Variants in MTUS2 observed in about 807,000 individuals in gnomAD.
MTUS2 encodes microtubule associated scaffold protein 2, also known as microtubule-associated tumor suppressor candidate 2.
A neutral mutation model predicts 114.1 loss-of-function variants in MTUS2; 40 were observed. The ratio of observed to expected loss-of-function variants is 0.35; its 90% confidence interval spans 0.27 to 0.46. The LOEUF (loss-of-function observed/expected upper bound fraction) is 0.46. Among genes scored for constraint, MTUS2 ranks in the 20% least tolerant of loss-of-function variants. The pLI is 1.00. For synonymous variants in MTUS2, 688 were observed against 672.0 expected (o/e 1.02, Z -0.37); for missense variants, 1,679 against 1,705.4 (o/e 0.98, Z 0.27).
intron 2 of MTUS2, among the ~76,000 whole-genome samples, chr13:28,941,311 C>T (rs1461463852): frequency 1.3e-5 from 2 of 151,958 alleles, no homozygotes; most frequent in African/African-American, 4.8e-5. Context: ...CATATGCTTA[C>T]TGTATATATG....
At chr13:29,491,170 GGT>G (rs1447814055) in intron 11 of MTUS2, among the ~76,000 whole-genome samples, 2 of 142,964 alleles carry the variant, frequency 1.4e-5, no homozygotes, top group Non-Finnish European at 3.0e-5. Context: ...GGGAGTGTGT[GGT>G]GTGTGGTGTG....
At chr13:29,320,006 C>T (rs1003673480) in intron 6 of MTUS2, among the ~76,000 whole-genome samples, 1 of 152,170 alleles carries the variant, frequency 6.6e-6, no homozygotes, top group East Asian at 1.9e-4. Context: ...TGAATACTGG[C>T]CCCTGAATAT....
intron 5 of MTUS2, among the ~76,000 whole-genome samples, chr13:29,191,601 G>A (rs1004935797): frequency 6.6e-6 from 1 of 152,198 alleles, no homozygotes; most frequent in Non-Finnish European, 1.5e-5. Flanking sequence ...GTGTCCAAGA[G>A]ACCATCTGGG....
chr13:29,440,557 T>A (rs1566201497), intron 9 of MTUS2, among the ~76,000 whole-genome samples: 2 of 152,088 alleles, frequency 1.3e-5, no homozygotes, highest in Non-Finnish European at 2.9e-5. Flanking sequence ...ACCTTACAAA[T>A]AAAATGATCC....
In MTUS2 at chr13:29,031,237, GGTGTGTGT is replaced by G. The variant is rs59288953; in HGVS notation, c.2206-2622_2206-2615del. Among the ~76,000 whole-genome samples, 29 of 122,964 alleles carry G rather than the reference GGTGTGTGT, an allele frequency of 2.4e-4. 1 individual carries two copies. The highest frequency in any genetic ancestry group is 3.4e-4 in the Non-Finnish European group (20 of 58,310). 80.7% of individuals were successfully genotyped at this position (122,964 alleles called of 152,430 possible). A position where few individuals can be genotyped will look rare whatever the true frequency, so the allele number is the denominator to read the frequency against. On this transcript the variant is annotated intron_variant, in intron 3 of 15. Coordinates refer to ENST00000612955, the MANE Select transcript of MTUS2 (RefSeq NM_001033602.4). The stretch of plus-strand genomic sequence containing the variant: ...GTTTGCCAGACAAATAGAACTAATA[GGTGTGTGT>G]GTGTGTGTGTGTGTGTGTGTGTGTG...
intron 1 of MTUS2, among the ~76,000 whole-genome samples, chr13:28,837,282 A>G (rs899477740): frequency 1.3e-5 from 2 of 152,210 alleles, no homozygotes; most frequent in Admixed American, 1.3e-4. Flanking sequence ...TGTGGTTATT[A>G]TGCAGCCACC....
chr13:28,874,827 G>A (rs1032327428), intron 2 of MTUS2, among the ~76,000 whole-genome samples: 2 of 152,176 alleles, frequency 1.3e-5, no homozygotes, highest in East Asian at 3.8e-4. Flanking sequence ...TGCCACATAA[G>A]TTATCCTTTC....
At chr13:29,337,364 G>T (rs1901119740) in intron 7 of MTUS2, among the ~76,000 whole-genome samples, 1 of 152,074 alleles carries the variant, frequency 6.6e-6, no homozygotes, top group Non-Finnish European at 1.5e-5. Flanking sequence ...ATTCCTCATG[G>T]TACAGTCCCT....
intron 2 of MTUS2, among the ~76,000 whole-genome samples, chr13:29,005,030 G>T (rs780854254): frequency 3.3e-5 from 5 of 152,200 alleles, no homozygotes; most frequent in Non-Finnish European, 7.3e-5. Flanking sequence ...CCTCGTGCCT[G>T]CCATGGTGCA....
chr13:29,468,066 C>CTATG (rs1880012510), intron 9 of MTUS2, among the ~76,000 whole-genome samples: 1 of 151,930 alleles, frequency 6.6e-6, no homozygotes, highest in Non-Finnish European at 1.5e-5. Context: ...CTACATTGAG[C>CTATG]TATGATCACA....
chr13:28,835,068 G>A (rs568496246), intron 1 of MTUS2, among the ~76,000 whole-genome samples: 1 of 152,316 alleles, frequency 6.6e-6, no homozygotes, highest in East Asian at 1.9e-4. Context: ...TTGCTGGTGG[G>A]ACTGTGCAAT....
intron 5 of MTUS2, among the ~76,000 whole-genome samples, chr13:29,166,506 C>T (rs1020215531): frequency 6.6e-6 from 1 of 152,192 alleles, no homozygotes; most frequent in Admixed American, 6.5e-5. Context: ...TTATCTGTCT[C>T]TGCCTTTCTG....
chr13:28,999,175 G>A (rs138295812), intron 2 of MTUS2, among the ~76,000 whole-genome samples: 2,687 of 152,286 alleles, frequency 0.018, 78 homozygotes, highest in African/African-American at 0.061. Context: ...TGTTTGCCTG[G>A]GTATCAGCAG....
At chr13:29,048,471 G>A (rs78491515) in intron 4 of MTUS2, among the ~76,000 whole-genome samples, 214 of 152,166 alleles carry the variant, frequency 1.4e-3, no homozygotes, top group African/African-American at 4.9e-3. Context: ...GGATGTATTT[G>A]TATTGCCATG....
chr13:29,078,165 T>C (rs1033801134), intron 4 of MTUS2, among the ~76,000 whole-genome samples: 22 of 152,350 alleles, frequency 1.4e-4, no homozygotes, highest in African/African-American at 5.3e-4. Context: ...CCACTTCAGC[T>C]TCTTTGCATG....
rs139213171 is a variant in MTUS2, at chr13:29,208,570, G to A, written c.2645-73134G>A. Among the ~76,000 whole-genome samples, 247 of 151,900 alleles carry A rather than the reference G, an allele frequency of 1.6e-3. 1 individual carries two copies. The highest frequency in any genetic ancestry group is 5.6e-3 in the African/African-American group (232 of 41,450). On this transcript the variant is annotated intron_variant, in intron 5 of 15. Transcript: ENST00000612955. ...TTTTGATGCAGGTATTTAGTGCTCCGAACTTTCTTTCCTCTTAATGCTGGT... is the reference window on the plus strand; with the variant it reads ...TTTTGATGCAGGTATTTAGTGCTCCAAACTTTCTTTCCTCTTAATGCTGGT...
At chr13:29,359,184 G>A (rs1015824975) in intron 7 of MTUS2, 78 bp from the exon 8 acceptor site, 19 of 1,326,496 alleles carry the variant, frequency 1.4e-5, no homozygotes, top group Non-Finnish European at 1.8e-5. Context: ...AGAACTCCTT[G>A]TGTAATAAGA....
intron 9 of MTUS2, among the ~76,000 whole-genome samples, chr13:29,461,958 C>T (rs979366371): frequency 3.9e-5 from 6 of 152,086 alleles, no homozygotes; most frequent in Admixed American, 1.3e-4. Flanking sequence ...CAGATCCAGA[C>T]CCAAAAAGAA....
intron 8 of MTUS2, among the ~76,000 whole-genome samples, chr13:29,366,150 A>G (rs1191138882): frequency 6.6e-6 from 1 of 152,204 alleles, no homozygotes; most frequent in Non-Finnish European, 1.5e-5. Context: ...TGACAAAGAC[A>G]TACTTGAGAC....
Sources: allele counts gnomAD v4.1 joint callset (sites outside exome capture counted in the v4.1 genomes callset), GRCh38; gene constraint gnomAD v4.1.1; transcripts MANE v1.5; gene names NCBI Gene and HGNC (gene_info 2026-07-23, HGNC 2026-07-21).